The following SLC35F4 variants were observed in gnomAD, a reference collection of about 807,000 sequenced individuals.
SLC35F4 encodes solute carrier family 35 member F4.
In SLC35F4, 24 loss-of-function variants were observed where a neutral mutation model predicts 44.2. The ratio of observed to expected loss-of-function variants is 0.54; its 90% CI spans 0.39 to 0.76. The LOEUF (loss-of-function observed/expected upper bound fraction) is 0.76, where lower values mean the gene tolerates loss of function less well. Among genes scored for constraint, SLC35F4 ranks in the 30% least tolerant of loss-of-function variants. The pLI is 0.00. For missense variants in SLC35F4, 562 were observed against 586.1 expected, an observed-to-expected ratio of 0.96 and a Z score of 0.42; for synonymous variants, 238 against 223.6, an observed-to-expected ratio of 1.06 and a Z score of -0.57.
chr14:57,846,029 G>A (rs6573173), intron 1 of SLC35F4, among the ~76,000 whole-genome samples: 57,488 of 151,914 alleles, frequency 0.38, 12,784 homozygotes, highest in East Asian at 0.72. Flanking sequence ...GCACTGAGAG[G>A]GAATTAACAT....
chr14:57,730,286 C>G (rs2076312800), intron 1 of SLC35F4, among the ~76,000 whole-genome samples: 1 of 152,128 alleles, frequency 6.6e-6, no homozygotes, highest in Non-Finnish European at 1.5e-5. Context: ...GGCTTCTATT[C>G]CACCATCTTT....
At chr14:57,655,490 A>C (rs2073937430) in intron 1 of SLC35F4, among the ~76,000 whole-genome samples, 1 of 152,100 alleles carries the variant, frequency 6.6e-6, no homozygotes, top group Non-Finnish European at 1.5e-5. Flanking sequence ...TCACTCCCAG[A>C]ATTGTGCAAC....
chr14:57,661,373 C>T (rs11627462), intron 1 of SLC35F4, among the ~76,000 whole-genome samples: 5,316 of 152,212 alleles, frequency 0.035, 122 homozygotes, highest in Middle Eastern at 0.068. Context: ...TCATGCCTGA[C>T]GGATCATGCT....
At chr14:57,708,054 C>T (rs936086992) in intron 1 of SLC35F4, among the ~76,000 whole-genome samples, 2 of 152,164 alleles carry the variant, frequency 1.3e-5, no homozygotes, top group Admixed American at 6.5e-5. Flanking sequence ...GTTTAGGGAT[C>T]GTGTAGCCTC....
chr14:57,844,887 G>A (rs1383845689), intron 1 of SLC35F4, among the ~76,000 whole-genome samples: 1 of 151,980 alleles, frequency 6.6e-6, no homozygotes, highest in African/African-American at 2.4e-5. Context: ...CTAGTAGAGG[G>A]GTCTCTCTGT....
intron 1 of SLC35F4, among the ~76,000 whole-genome samples, chr14:57,804,337 T>C (rs1184724776): frequency 6.6e-6 from 1 of 152,056 alleles, no homozygotes; most frequent in African/African-American, 2.4e-5. Context: ...AAAAGAACAA[T>C]GCTGGAGGCA....
intron 1 of SLC35F4, among the ~76,000 whole-genome samples, chr14:57,654,667 T>C (rs905005544): frequency 6.6e-6 from 1 of 152,228 alleles, no homozygotes; most frequent in African/African-American, 2.4e-5. Context: ...GGAACCTTCA[T>C]ACTGTTTTCC....
At chr14:57,924,940 G>T (rs1889524494) in intron 1 of SLC35F4, among the ~76,000 whole-genome samples, 1 of 151,768 alleles carries the variant, frequency 6.6e-6, no homozygotes, top group African/African-American at 2.4e-5. Flanking sequence ...TTTTTTTTAA[G>T]AGACAAGGTA....
At chr14:57,632,306 A>T in intron 1 of SLC35F4, among the ~76,000 whole-genome samples, 1 of 152,058 alleles carries the variant, frequency 6.6e-6, no homozygotes, top group East Asian at 1.9e-4. Context: ...GAATGTCTGG[A>T]TCAAAACAGG....
chr14:57,934,305 A>G (rs808228), intron 1 of SLC35F4, among the ~76,000 whole-genome samples: 83,835 of 148,000 alleles, frequency 0.57, 25,519 homozygotes, highest in African/African-American at 0.79. Flanking sequence ...AGAGTGGTTA[A>G]TAAATTATGA....
chr14:57,839,388 A>G (rs1411387888), intron 1 of SLC35F4, among the ~76,000 whole-genome samples: 1 of 152,184 alleles, frequency 6.6e-6, no homozygotes, highest in Non-Finnish European at 1.5e-5. Flanking sequence ...ACACTATGGA[A>G]TACTATGCAG....
At chr14:57,585,494 C>T (rs930554052) in intron 3 of SLC35F4, among the ~76,000 whole-genome samples, 5 of 151,846 alleles carry the variant, frequency 3.3e-5, no homozygotes, top group African/African-American at 7.3e-5. Context: ...CTGGCCAGGG[C>T]GATCAGGCAA....
At chr14:57,925,499 G>GGAAGGAAGGAAGGAAGGAAGGA (rs1566930948) in intron 1 of SLC35F4, among the ~76,000 whole-genome samples, 4 of 15,878 alleles carry the variant, frequency 2.5e-4, no homozygotes, top group Non-Finnish European at 3.5e-4. Flanking sequence ...GGAAGGAAGG[G>GGAAGGAAGGAAGGAAGGAAGGA]AGGGAGGGAG....
intron 1 of SLC35F4, among the ~76,000 whole-genome samples, chr14:57,883,432 G>C (rs995712731): frequency 6.6e-6 from 1 of 152,130 alleles, no homozygotes; most frequent in South Asian, 2.1e-4. Flanking sequence ...AGTTAACATA[G>C]AGCACCACTC....
chr14:57,603,016 C>T (rs1203211303), intron 1 of SLC35F4, among the ~76,000 whole-genome samples: 2 of 152,204 alleles, frequency 1.3e-5, no homozygotes, highest in African/African-American at 4.8e-5. Context: ...TCTGTCTACT[C>T]AGCCTTGTTA....
chr14:57,832,791 G>C (rs1884515818), intron 1 of SLC35F4, among the ~76,000 whole-genome samples: 2 of 152,178 alleles, frequency 1.3e-5, no homozygotes, highest in Non-Finnish European at 2.9e-5. Flanking sequence ...CATAGCAATT[G>C]AAAATAGAAT....
intron 1 of SLC35F4, among the ~76,000 whole-genome samples, chr14:57,621,192 T>G (rs2072160090): frequency 6.6e-6 from 1 of 150,896 alleles, no homozygotes; most frequent in Admixed American, 6.6e-5. Context: ...GGAAGAACAT[T>G]CCATGCTCAT....
intron 1 of SLC35F4, among the ~76,000 whole-genome samples, chr14:57,932,703 G>C (rs1282242625): frequency 6.6e-6 from 1 of 152,084 alleles, no homozygotes; most frequent in Non-Finnish European, 1.5e-5. Context: ...ACAAAAATTA[G>C]TTGAGCATGG....
In SLC35F4 at chr14:57,585,377, C is replaced by A. The variant is rs1451000216; in HGVS notation, c.587+3839G>T. 2.0e-5 allele frequency among the ~76,000 whole-genome samples: 3 copies of A among 152,262 alleles called. No individual in the cohort carries two copies. The East Asian group carries it at 5.8e-4, about 29-fold the overall frequency. ...AGACCTATTTATGACAGACTCACAG[C>A]CAATATCATACTGAATGGGCAAAAG... On this transcript the variant is annotated intron_variant, in intron 3 of 7. Coordinates refer to ENST00000556826, the MANE Select transcript of SLC35F4 (RefSeq NM_001306087.2).
Sources: allele counts gnomAD v4.1 joint callset (sites outside exome capture counted in the v4.1 genomes callset), GRCh38; gene constraint gnomAD v4.1.1; transcripts MANE v1.5; gene names NCBI Gene and HGNC (gene_info 2026-07-23, HGNC 2026-07-21).